The following PPM1L variants were observed in gnomAD, a reference collection of about 807,000 sequenced individuals.
The protein encoded by PPM1L is protein phosphatase 1L.
PPM1L carries 13 observed loss-of-function variants against 31.4 expected under a neutral mutation model. That is an observed-to-expected ratio of 0.41 (90% CI 0.27 to 0.66). The LOEUF is 0.66. Among genes scored for constraint, PPM1L ranks in the 30% least tolerant of loss-of-function variants. PPM1L has a pLI of 0.29. For synonymous variants in PPM1L, 184 were observed against 175.4 expected (o/e 1.05, Z -0.39); for missense variants, 326 against 453.7 (o/e 0.72, Z 2.56).
At position 160,958,696 on chromosome 3, in the gene PPM1L, ATGTT is replaced by A. The variant is rs1576743388; in HGVS notation, c.400-3037_400-3034del. Among the ~76,000 whole-genome samples the A allele has an allele frequency of 5.9e-5, 9 of 152,328 alleles. No homozygotes were observed. In the South Asian group the frequency reaches 1.4e-3, roughly 25 times the overall value. ...AGCTGGCTGGCAGAGAAATTGAACA[ATGTT>A]TGGTGATGTTAAAGTTGTAATTTTG... On this transcript the variant is annotated intron_variant, in intron 1 of 3. Coordinates refer to ENST00000498165, the MANE Select transcript of PPM1L (RefSeq NM_139245.4).
intron 2 of PPM1L, among the ~76,000 whole-genome samples, chr3:160,968,000 T>C (rs2121721): frequency 0.46 from 69,172 of 151,794 alleles, 16,939 homozygotes; most frequent in East Asian, 0.73. Flanking sequence ...TTTTTCTATT[T>C]GTTTTCTTCT....
At chr3:160,938,415 G>C (rs554623003) in intron 1 of PPM1L, among the ~76,000 whole-genome samples, 1 of 152,100 alleles carries the variant, frequency 6.6e-6, no homozygotes, top group African/African-American at 2.4e-5. Context: ...TTAACCTTGC[G>C]AGATTACCAC....
At chr3:160,894,347 A>G (rs1393149669) in intron 1 of PPM1L, among the ~76,000 whole-genome samples, 2 of 152,034 alleles carry the variant, frequency 1.3e-5, no homozygotes, top group East Asian at 1.9e-4. Context: ...GTCAAACACC[A>G]TATGTAACTG....
intron 1 of PPM1L, among the ~76,000 whole-genome samples, chr3:160,843,429 TATATA>T (rs1713962373): frequency 3.1e-4 from 13 of 42,500 alleles, no homozygotes; most frequent in African/African-American, 1.5e-3. Context: ...AATTCTTTTA[TATATA>T]TATATATATA....
At chr3:161,054,786 A>T (rs1719367878) in intron 2 of PPM1L, among the ~76,000 whole-genome samples, 1 of 152,144 alleles carries the variant, frequency 6.6e-6, no homozygotes, top group African/African-American at 2.4e-5. Flanking sequence ...AGGACTAAGT[A>T]CAGAGCCTGA....
chr3:161,005,351 G>A (rs141902521), intron 2 of PPM1L, among the ~76,000 whole-genome samples: 17 of 152,256 alleles, frequency 1.1e-4, no homozygotes, highest in Admixed American at 2.0e-4. Context: ...AGTGAGTTAT[G>A]TATGAAGCCT....
intron 1 of PPM1L, among the ~76,000 whole-genome samples, chr3:160,824,231 G>C (rs1713290263): frequency 6.6e-6 from 1 of 152,020 alleles, no homozygotes; most frequent in Non-Finnish European, 1.5e-5. Flanking sequence ...TGAGAGGATA[G>C]AATGAGGAAT....
chr3:161,054,798 G>A (rs189226415), intron 2 of PPM1L, among the ~76,000 whole-genome samples: 30 of 152,210 alleles, frequency 2.0e-4, no homozygotes, highest in African/African-American at 5.8e-4. Flanking sequence ...AGAGCCTGAC[G>A]CATGGTGAAT....
chr3:160,835,087 T>TTTTCTTCTTCTTCTTCTTCTTCTG (rs1713668206), intron 1 of PPM1L, among the ~76,000 whole-genome samples: 1 of 99,658 alleles, frequency 1.0e-5, no homozygotes, highest in African/African-American at 5.4e-5. Flanking sequence ...TTCTTCTTCT[T>TTTTCTTCTTCTTCTTCTTCTTCTG]TCTTTTTTCT....
rs543309334 is a variant in PPM1L, at chr3:160,767,017, T to A, written c.399+10310T>A. On this transcript the variant is annotated intron_variant, in intron 1 of 3. Coordinates refer to ENST00000498165, the MANE Select transcript of PPM1L (RefSeq NM_139245.4). ...GTGTTACTAGGTGGAGAGACATTATTTTCTAATGTGTGCAGAGCTGTCTGC... is the reference window on the plus strand; with the variant it reads ...GTGTTACTAGGTGGAGAGACATTATATTCTAATGTGTGCAGAGCTGTCTGC... Among the ~76,000 whole-genome samples, 24 of 151,542 alleles carry A rather than the reference T, an allele frequency of 1.6e-4. No homozygotes were observed. The South Asian group carries it at 3.1e-3, about 20-fold the overall frequency.
At chr3:160,761,418 T>C (rs758820819) in intron 1 of PPM1L, among the ~76,000 whole-genome samples, 32 of 152,200 alleles carry the variant, frequency 2.1e-4, no homozygotes, top group Non-Finnish European at 3.2e-4. Context: ...AAATCATTTA[T>C]TATATTATAT....
intron 1 of PPM1L, among the ~76,000 whole-genome samples, chr3:160,766,619 C>A (rs1485407438): frequency 6.6e-6 from 1 of 151,816 alleles, no homozygotes; most frequent in Admixed American, 6.6e-5. Context: ...AGTCTCTTTT[C>A]TTTGTAAATT....
At chr3:160,772,460 A>G (rs990741914) in intron 1 of PPM1L, among the ~76,000 whole-genome samples, 12 of 152,202 alleles carry the variant, frequency 7.9e-5, no homozygotes, top group Non-Finnish European at 1.6e-4. Flanking sequence ...CTTAGCCTCC[A>G]TGGTGGCTTT....
chr3:160,874,721 C>CT (rs1419247750), intron 1 of PPM1L, among the ~76,000 whole-genome samples: 6 of 152,184 alleles, frequency 3.9e-5, no homozygotes, highest in African/African-American at 1.4e-4. Context: ...AGGCAAGGCC[C>CT]TAAAAGGTGA....
chr3:160,835,309 G>A (rs1191144103), intron 1 of PPM1L, among the ~76,000 whole-genome samples: 1 of 151,334 alleles, frequency 6.6e-6, no homozygotes, highest in Non-Finnish European at 1.5e-5. Flanking sequence ...TAAGCAATGA[G>A]TATCCACATC....
At chr3:160,790,125 T>C (rs1712058166) in intron 1 of PPM1L, among the ~76,000 whole-genome samples, 1 of 152,054 alleles carries the variant, frequency 6.6e-6, no homozygotes, top group Non-Finnish European at 1.5e-5. Flanking sequence ...TTTTGATCCA[T>C]GATTGGTTGA....
intron 2 of PPM1L, among the ~76,000 whole-genome samples, chr3:161,040,233 G>A (rs981123722): frequency 1.3e-5 from 2 of 152,024 alleles, no homozygotes; most frequent in African/African-American, 2.4e-5. Context: ...CATTTCTCTC[G>A]AGTGACACTT....
At chr3:160,834,317 C>A (rs1244792289) in intron 1 of PPM1L, among the ~76,000 whole-genome samples, 1 of 152,034 alleles carries the variant, frequency 6.6e-6, no homozygotes, top group Non-Finnish European at 1.5e-5. Flanking sequence ...GCCACCGTGC[C>A]CGGCCTTAAA....
chr3:160,962,724 T>C (rs1559905224), intron 2 of PPM1L, among the ~76,000 whole-genome samples: 1 of 152,076 alleles, frequency 6.6e-6, no homozygotes, highest in Non-Finnish European at 1.5e-5. Context: ...TGCATCTTAT[T>C]TTCTTCATCA....
Sources: gnomAD v4.1 joint callset for allele counts (sites outside exome capture counted in the v4.1 genomes callset) on GRCh38, gnomAD v4.1.1 for gene constraint, MANE v1.5 for transcripts, NCBI Gene and HGNC (gene_info 2026-07-23, HGNC 2026-07-21) for gene names.